Variants in FAT3 observed in about 807,000 individuals in gnomAD.
FAT3 encodes protocadherin Fat 3.
A neutral mutation model predicts 310.2 loss-of-function variants in FAT3; 95 were observed. The ratio of observed to expected loss-of-function variants is 0.31; its 90% CI spans 0.26 to 0.36. The LOEUF (loss-of-function observed/expected upper bound fraction) is 0.36, where lower values mean the gene tolerates loss of function less well. Among genes scored for constraint, FAT3 ranks in the 10% least tolerant of loss-of-function variants. The probability of loss-of-function intolerance (pLI) is 1.00; values close to 1 mark genes in which losing one functional copy is unlikely to be tolerated. For synonymous variants in FAT3, 2,314 were observed against 2,192.9 expected (o/e 1.06, Z -1.54); for missense variants, 5,408 against 5,715.6 (o/e 0.95, Z 1.74).
chr11:92,841,936 T>C (rs1948562073), intron 18 of FAT3, among the ~76,000 whole-genome samples: 1 of 152,178 alleles, frequency 6.6e-6, no homozygotes, highest in South Asian at 2.1e-4. Flanking sequence ...CCCTCCCATA[T>C]TAATCATTCC....
At chr11:92,339,301 A>T (rs1565237526) in intron 1 of FAT3, among the ~76,000 whole-genome samples, 1 of 152,172 alleles carries the variant, frequency 6.6e-6, no homozygotes, top group Admixed American at 6.5e-5. Flanking sequence ...CAAATGTCCC[A>T]TGGGGGTCAA....
intron 25 of FAT3, 121 bp downstream of exon 25, chr11:92,887,234 C>T (rs180758343): frequency 6.3e-5 from 51 of 803,798 alleles, no homozygotes; most frequent in Admixed American, 6.3e-4. Flanking sequence ...GGCTTTTGAG[C>T]GTGTTCACCA....
intron 4 of FAT3, among the ~76,000 whole-genome samples, chr11:92,751,179 G>A (rs1294903701): frequency 6.6e-6 from 1 of 152,180 alleles, no homozygotes; most frequent in Non-Finnish European, 1.5e-5. Flanking sequence ...TAGATGAAAG[G>A]CAGCATAATG....
intron 13 of FAT3, among the ~76,000 whole-genome samples, chr11:92,812,745 C>A (rs1357661013): frequency 6.6e-6 from 1 of 152,162 alleles, no homozygotes; most frequent in Non-Finnish European, 1.5e-5. Flanking sequence ...TCCCACATGG[C>A]AGGAGCTAAA....
At chr11:92,412,746 A>ACACACATACATATATAT (rs1591252852) in intron 2 of FAT3, among the ~76,000 whole-genome samples, 2 of 18,080 alleles carry the variant, frequency 1.1e-4, no homozygotes, top group Non-Finnish European at 2.2e-4. Context: ...TATATATATA[A>ACACACATACATATATAT]ATATACATAC....
intron 3 of FAT3, among the ~76,000 whole-genome samples, chr11:92,587,778 C>T (rs993783164): frequency 6.6e-6 from 1 of 151,910 alleles, no homozygotes; most frequent in Non-Finnish European, 1.5e-5. Flanking sequence ...GTTCCTCCTT[C>T]CTTTAAGAAA....
intron 3 of FAT3, among the ~76,000 whole-genome samples, chr11:92,567,634 C>T (rs557919355): frequency 6.6e-6 from 1 of 152,016 alleles, no homozygotes; most frequent in South Asian, 2.1e-4. Context: ...TTGGAACCAA[C>T]CTAAATGTCC....
At chr11:92,832,567 C>T (rs1040795452) in intron 14 of FAT3, among the ~76,000 whole-genome samples, 6 of 151,970 alleles carry the variant, frequency 3.9e-5, no homozygotes, top group Admixed American at 3.9e-4. Flanking sequence ...AATATCTGAC[C>T]CCCAGGTTGG....
intron 4 of FAT3, among the ~76,000 whole-genome samples, chr11:92,705,865 TGG>T (rs1944322680): frequency 7.9e-6 from 1 of 127,068 alleles, no homozygotes; most frequent in African/African-American, 3.1e-5. Flanking sequence ...GTGATGGTGG[TGG>T]TGTGATGGTG....
intron 5 of FAT3, among the ~76,000 whole-genome samples, chr11:92,764,001 T>A (rs1946235233): frequency 6.6e-6 from 1 of 152,192 alleles, no homozygotes; most frequent in African/African-American, 2.4e-5. Context: ...TGTTATTTTT[T>A]AAATGTAATA....
chr11:92,459,718 C>T (rs1425518202), intron 2 of FAT3, among the ~76,000 whole-genome samples: 3 of 152,100 alleles, frequency 2.0e-5, no homozygotes, highest in Admixed American at 2.0e-4. Flanking sequence ...AGTGCAAATG[C>T]CTCAATTGCT....
At chr11:92,264,753 C>T (rs1302155946) in intron 1 of FAT3, among the ~76,000 whole-genome samples, 2 of 152,146 alleles carry the variant, frequency 1.3e-5, no homozygotes, top group East Asian at 3.9e-4. Flanking sequence ...ACTCCAGGCT[C>T]CTTGTGGAGG....
intron 2 of FAT3, among the ~76,000 whole-genome samples, chr11:92,471,835 T>C (rs896586262): frequency 6.6e-5 from 10 of 150,806 alleles, no homozygotes; most frequent in Non-Finnish European, 1.2e-4. Flanking sequence ...AAACCAGAGC[T>C]ACATTTAGTA....
At chr11:92,528,879 C>A (rs1215335114) in intron 3 of FAT3, among the ~76,000 whole-genome samples, 1 of 152,216 alleles carries the variant, frequency 6.6e-6, no homozygotes, top group Non-Finnish European at 1.5e-5. Flanking sequence ...TTACGATCAT[C>A]ATCATCATCC....
At chr11:92,486,130 G>GTTTTTTTTT (rs71064714) in intron 2 of FAT3, among the ~76,000 whole-genome samples, 1,665 of 37,078 alleles carry the variant, frequency 0.045, 227 homozygotes, top group Middle Eastern at 0.25. Context: ...GGCTGCTGGG[G>GTTTTTTTTT]TTTTTTTTTT....
chr11:92,412,402 A>ATCTTTTTTTTTT (rs1950294290), intron 2 of FAT3, among the ~76,000 whole-genome samples: 1 of 101,126 alleles, frequency 9.9e-6, no homozygotes, highest in Admixed American at 1.4e-4. Flanking sequence ...GACCCGGCCT[A>ATCTTTTTTTTTT]TTTTTTTTTT....
intron 2 of FAT3, among the ~76,000 whole-genome samples, chr11:92,449,363 C>A (rs573091767): frequency 6.6e-6 from 1 of 152,108 alleles, no homozygotes; most frequent in Non-Finnish European, 1.5e-5. Flanking sequence ...CCTCACTTGG[C>A]CCCCTGACCC....
intron 7 of FAT3, among the ~76,000 whole-genome samples, chr11:92,782,125 A>C (rs1946769346): frequency 6.6e-6 from 1 of 152,142 alleles, no homozygotes; most frequent in East Asian, 1.9e-4. Context: ...CCTGAATAAC[A>C]CAGCGAGAAC....
chr11:92,754,543 G>A (rs1213520984), intron 4 of FAT3, among the ~76,000 whole-genome samples: 1 of 147,824 alleles, frequency 6.8e-6, no homozygotes, highest in African/African-American at 2.6e-5. Flanking sequence ...CAGGAGAATG[G>A]CGTGAACCTG....
Sources: allele counts gnomAD v4.1 joint callset (sites outside exome capture counted in the v4.1 genomes callset), GRCh38; gene constraint gnomAD v4.1.1; transcripts MANE v1.5; gene names NCBI Gene and HGNC (gene_info 2026-07-23, HGNC 2026-07-21).